The following ZNF429 variants were observed in gnomAD, a reference collection of about 807,000 sequenced individuals.
The protein encoded by ZNF429 is zinc finger protein 429.
In ZNF429, 53 loss-of-function variants were observed where a neutral mutation model predicts 56.8. That is an observed-to-expected ratio of 0.93 (90% CI 0.75 to 1.17). The LOEUF is 1.17. Ranked by LOEUF, ZNF429 falls within the 50% of genes most tolerant of loss-of-function variation. The pLI, the probability that ZNF429 is intolerant of heterozygous loss-of-function variation, is 0.00. For missense variants in ZNF429, 849 were observed against 788.4 expected, an observed-to-expected ratio of 1.08 and a Z score of -0.92; for synonymous variants, 278 against 264.7, an observed-to-expected ratio of 1.05 and a Z score of -0.49.
intron 1 of ZNF429, among the ~76,000 whole-genome samples, chr19:21,519,155 A>G (rs911825205): frequency 2.0e-5 from 3 of 152,218 alleles, no homozygotes; most frequent in Admixed American, 2.0e-4. Flanking sequence ...AGAAAGAAAC[A>G]AGGTTTCCTG....
At chr19:21,529,575 A>C in intron 1 of ZNF429, 83 bp from the exon 2 acceptor site, 1 of 1,294,036 alleles carries the variant, frequency 7.7e-7, no homozygotes, top group Non-Finnish European at 9.9e-7. Flanking sequence ...CCTTGAATTA[A>C]ATAAAAAATT....
intron 1 of ZNF429, among the ~76,000 whole-genome samples, chr19:21,516,393 T>C (rs2032745995): frequency 6.6e-6 from 1 of 152,218 alleles, no homozygotes; most frequent in Non-Finnish European, 1.5e-5. Flanking sequence ...AGCCGCTTTG[T>C]TCTTTTTGCT....
At chr19:21,510,649 A>G (rs2032409181) in intron 1 of ZNF429, among the ~76,000 whole-genome samples, 1 of 151,842 alleles carries the variant, frequency 6.6e-6, no homozygotes, top group South Asian at 2.1e-4. Context: ...GCAGGGTCAT[A>G]GGACAATAGT....
chr19:21,514,521 T>G (rs2032646738), intron 1 of ZNF429, among the ~76,000 whole-genome samples: 1 of 152,202 alleles, frequency 6.6e-6, no homozygotes, highest in Non-Finnish European at 1.5e-5. Flanking sequence ...TGTTCTTTTT[T>G]TTTTAAATAA....
intron 3 of ZNF429, 32 bp from the exon 4 acceptor site, chr19:21,536,248 T>C: frequency 3.3e-6 from 5 of 1,529,320 alleles, no homozygotes; most frequent in Non-Finnish European, 4.4e-6. Context: ...GTCTAGTAAG[T>C]GAAGTAATTT....
At chr19:21,508,865 A>G (rs2032314951) in intron 1 of ZNF429, among the ~76,000 whole-genome samples, 1 of 152,202 alleles carries the variant, frequency 6.6e-6, no homozygotes, top group South Asian at 2.1e-4. Context: ...ACATGAATTC[A>G]TGAAAACATC....
intron 3 of ZNF429, among the ~76,000 whole-genome samples, chr19:21,533,713 C>T: frequency 4.0e-5 from 6 of 149,764 alleles, no homozygotes; most frequent in South Asian, 2.1e-4. Flanking sequence ...TGGAGTGTAC[C>T]GGTGTAGTCT....
At chr19:21,505,923 C>A in intron 1 of ZNF429, 149 bp downstream of exon 1, 1 of 812,044 alleles carries the variant, frequency 1.2e-6, no homozygotes, top group Non-Finnish European at 2.0e-6. Flanking sequence ...CAGTCCCCTT[C>A]AGCCATAAGA....
intron 1 of ZNF429, among the ~76,000 whole-genome samples, chr19:21,509,229 A>T (rs2032335970): frequency 6.6e-6 from 1 of 152,036 alleles, no homozygotes; most frequent in South Asian, 2.1e-4. Flanking sequence ...CTTGTCTCGA[A>T]CTCCTGAGCT....
At chr19:21,536,241 TAGTA>T in intron 3 of ZNF429, 35 bp from the exon 4 acceptor site, 5 of 1,524,478 alleles carry the variant, frequency 3.3e-6, no homozygotes, top group Non-Finnish European at 4.4e-6. Context: ...TATCTGAGTC[TAGTA>T]AGTGAAGTAA....
At position 21,539,610 on chromosome 19, in the gene ZNF429, T is replaced by C. The variant is rs2033851528; in HGVS notation, c.*1532T>C. On this transcript the variant is annotated 3_prime_UTR_variant, in exon 4 of 4. Transcript: ENST00000358491. The stretch of plus-strand genomic sequence containing the variant: ...CTATTTTTTTTTTTTTTTGTATTTT[T>C]AGTAGAGATGAGATTTCACCATTTT... Among the ~76,000 whole-genome samples, 1 of 151,702 alleles carries C rather than the reference T, an allele frequency of 6.6e-6. No individual in the cohort carries two copies. Among genetic ancestry groups the C allele is most frequent in the South Asian group, 2.1e-4 (1 of 4,804 alleles).
At chr19:21,527,314 G>A (rs1304670897) in intron 1 of ZNF429, among the ~76,000 whole-genome samples, 2 of 152,126 alleles carry the variant, frequency 1.3e-5, no homozygotes, top group African/African-American at 4.8e-5. Flanking sequence ...TTTGCCAAGT[G>A]GTTATCAGCC....
Position 21,539,135 on chromosome 19 carries a change from T to C in ZNF429, c.*1057T>C, listed in dbSNP as rs151188786. ...ACATATATTTTTGCATATGGCCATA[T>C]GTATAAAAATATTTAATTCAAAATT... is the stretch of plus-strand genomic sequence containing the variant. On this transcript the variant is annotated 3_prime_UTR_variant, in exon 4 of 4. Coordinates refer to ENST00000358491, the MANE Select transcript of ZNF429 (RefSeq NM_001001415.4). Among the ~76,000 whole-genome samples, 2 of 152,008 alleles carry C rather than the reference T, an allele frequency of 1.3e-5. No homozygotes were observed. The highest frequency in any genetic ancestry group is 4.8e-5 in the African/African-American group (2 of 41,290).
intron 3 of ZNF429, among the ~76,000 whole-genome samples, chr19:21,531,907 A>G: frequency 6.6e-6 from 1 of 150,928 alleles, no homozygotes; most frequent in African/African-American, 2.4e-5. Flanking sequence ...ACAGTACATT[A>G]AAACCTGTCT....
At chr19:21,520,962 A>G (rs945370638) in intron 1 of ZNF429, among the ~76,000 whole-genome samples, 1 of 152,236 alleles carries the variant, frequency 6.6e-6, no homozygotes, top group African/African-American at 2.4e-5. Flanking sequence ...AGGCACTTCA[A>G]TATTGTTCTT....
chr19:21,529,457 C>T (rs760783795), intron 1 of ZNF429: 2 of 923,452 alleles, frequency 2.2e-6, no homozygotes, highest in Non-Finnish European at 2.6e-6. Context: ...ACTATTTTCT[C>T]AAAGTTAGAG....
At position 21,537,088 on chromosome 19, in the gene ZNF429, A is replaced by G. The variant is rs770610302; in HGVS notation, c.1035A>G (p.Glu345=). 5.6e-6 allele frequency: 9 copies of G among 1,613,918 alleles called. No individual in the cohort carries two copies. In the Admixed American group the frequency reaches 8.3e-5, roughly 15 times the overall value. ...GTGAGAAACCCTACAAATGTGAAGA[A>G]TGTGGCAAAGCCTTTAACTGGTCTT... ...HTGEKPYKCE[E]CGKAFNWSST... is the part of the protein sequence containing the mutation. The change falls in exon 4 of 4, where the codon GAA becomes GAG. Residue 345 remains glutamate, a synonymous_variant. Coordinates refer to ENST00000358491, the MANE Select transcript of ZNF429 (RefSeq NM_001001415.4).
At chr19:21,517,652 T>C (rs376347076) in intron 1 of ZNF429, among the ~76,000 whole-genome samples, 11,280 of 103,896 alleles carry the variant, frequency 0.11, no homozygotes, top group Admixed American at 0.13. Context: ...TTCTGTTTGG[T>C]ATTGGGAGAA....
chr19:21,516,782 A>G (rs1213202267), intron 1 of ZNF429, among the ~76,000 whole-genome samples: 3 of 152,226 alleles, frequency 2.0e-5, no homozygotes, highest in Non-Finnish European at 4.4e-5. Flanking sequence ...TGATTTTTGT[A>G]CATGTATTTT....
Sources: allele counts gnomAD v4.1 joint callset (sites outside exome capture counted in the v4.1 genomes callset), GRCh38; gene constraint gnomAD v4.1.1; transcripts MANE v1.5; gene names NCBI Gene and HGNC (gene_info 2026-07-23, HGNC 2026-07-21).